Variants in TMEM200A observed in about 807,000 individuals in gnomAD.
TMEM200A encodes the protein transmembrane protein 200A, also known as two transmembrane C.
A neutral mutation model predicts 24.3 loss-of-function variants in TMEM200A; 12 were observed. The ratio of observed to expected loss-of-function variants is 0.49; its 90% CI spans 0.32 to 0.80. The LOEUF (loss-of-function observed/expected upper bound fraction) is 0.80. Ranked by LOEUF, TMEM200A falls within the 30% of genes least tolerant of loss-of-function variation. The pLI, the probability that TMEM200A is intolerant of heterozygous loss-of-function variation, is 0.04. For synonymous variants in TMEM200A, 224 were observed against 224.4 expected, an observed-to-expected ratio of 1.00 and a Z score of 0.02; for missense variants, 545 against 614.4, an observed-to-expected ratio of 0.89 and a Z score of 1.19.
intron 2 of TMEM200A, among the ~76,000 whole-genome samples, chr6:130,388,616 A>G (rs946373499): frequency 6.6e-6 from 1 of 152,226 alleles, no homozygotes; most frequent in African/African-American, 2.4e-5. Context: ...GCTGAGTGGC[A>G]TAAGTAGATA....
At chr6:130,377,103 CTT>C (rs1316871554) in intron 1 of TMEM200A, among the ~76,000 whole-genome samples, 2 of 152,136 alleles carry the variant, frequency 1.3e-5, no homozygotes, top group East Asian at 3.8e-4. Flanking sequence ...GCATAACAAG[CTT>C]TTCTCAAGAA....
chr6:130,436,439 G>A (rs1466073841), intron 2 of TMEM200A, among the ~76,000 whole-genome samples: 1 of 146,128 alleles, frequency 6.8e-6, no homozygotes, highest in Non-Finnish European at 1.5e-5. Context: ...AAAAAAAACA[G>A]TCATAAAAGT....
At chr6:130,389,760 G>C (rs1583185994) in intron 2 of TMEM200A, among the ~76,000 whole-genome samples, 1 of 152,156 alleles carries the variant, frequency 6.6e-6, no homozygotes, top group East Asian at 1.9e-4. Context: ...CAGAACTTCA[G>C]ATTTTCTCAG....
intron 2 of TMEM200A, among the ~76,000 whole-genome samples, chr6:130,390,567 A>G (rs1219328219): frequency 6.6e-6 from 1 of 152,202 alleles, no homozygotes; most frequent in Non-Finnish European, 1.5e-5. Context: ...TATTCTTTAT[A>G]CCCTTAAAGG....
At chr6:130,410,301 A>G (rs1265614617) in intron 2 of TMEM200A, among the ~76,000 whole-genome samples, 7 of 152,222 alleles carry the variant, frequency 4.6e-5, no homozygotes, top group Admixed American at 3.9e-4. Context: ...TCAGTAAGAG[A>G]CAACTAAAGG....
chr6:130,401,102 A>G (rs1004460851), intron 2 of TMEM200A, among the ~76,000 whole-genome samples: 2 of 151,858 alleles, frequency 1.3e-5, no homozygotes, highest in Admixed American at 1.3e-4. Context: ...CTATGCATTA[A>G]CCTTTTTTGT....
chr6:130,440,054 GAGA>G (rs112358654), intron 2 of TMEM200A, among the ~76,000 whole-genome samples: 6 of 136,876 alleles, frequency 4.4e-5, no homozygotes, highest in African/African-American at 1.5e-4. Context: ...GAGAGAGAGA[GAGA>G]AGAGAAAGAG....
chr6:130,425,383 T>C (rs1020126690), intron 2 of TMEM200A, among the ~76,000 whole-genome samples: 2 of 152,186 alleles, frequency 1.3e-5, no homozygotes, highest in Admixed American at 1.3e-4. Flanking sequence ...GAACCAATTA[T>C]CAACATCGTT....
At chr6:130,382,646 A>C (rs1368579805) in intron 1 of TMEM200A, among the ~76,000 whole-genome samples, 1 of 152,184 alleles carries the variant, frequency 6.6e-6, no homozygotes. Flanking sequence ...TCAGGACAAC[A>C]AAGAGAGTTG....
At chr6:130,399,545 TTATTA>T (rs774247805) in intron 2 of TMEM200A, among the ~76,000 whole-genome samples, 44 of 151,884 alleles carry the variant, frequency 2.9e-4, no homozygotes, top group Non-Finnish European at 5.3e-4. Context: ...TTTTAATTTA[TTATTA>T]TATTTTTATT....
intron 2 of TMEM200A, among the ~76,000 whole-genome samples, chr6:130,423,550 C>T (rs1583219640): frequency 6.8e-6 from 1 of 147,284 alleles, no homozygotes; most frequent in South Asian, 2.1e-4. Context: ...AATATACATA[C>T]AAATGTTGCT....
chr6:130,409,829 T>C (rs751280074), intron 2 of TMEM200A, among the ~76,000 whole-genome samples: 1 of 150,930 alleles, frequency 6.6e-6, no homozygotes, highest in Non-Finnish European at 1.5e-5. Context: ...GCACTTCCTT[T>C]CTGTCTCTCA....
chr6:130,440,566 T>C lies in TMEM200A; in HGVS notation c.144T>C (p.Val48=), dbSNP rs1159081487. 2 of 1,613,966 alleles carry C rather than the reference T, an allele frequency of 1.2e-6. No individual in the cohort carries two copies. The change falls in exon 3 of 3, where the codon GTT becomes GTC. Residue 48 remains valine (V), a synonymous_variant. Coordinates refer to ENST00000296978, the MANE Select transcript of TMEM200A (RefSeq NM_001258277.2). ...KPIRRRPRAD[V]VVVRGKIRLY... Reference sequence around the variant, plus strand: ...TCAGGCGCCGGCCCCGGGCAGATGTTGTGGTTGTTCGTGGCAAAATCCGGC... The same window carrying C: ...TCAGGCGCCGGCCCCGGGCAGATGTCGTGGTTGTTCGTGGCAAAATCCGGC...
chr6:130,427,160 C>G (rs754349340), intron 2 of TMEM200A, among the ~76,000 whole-genome samples: 3 of 152,124 alleles, frequency 2.0e-5, no homozygotes, highest in Non-Finnish European at 2.9e-5. Flanking sequence ...CTTCAACATC[C>G]TTTTTTGCTC....
chr6:130,423,927 C>T (rs1406091624), intron 2 of TMEM200A, among the ~76,000 whole-genome samples: 1 of 152,060 alleles, frequency 6.6e-6, no homozygotes, highest in Non-Finnish European at 1.5e-5. Flanking sequence ...AAGTGAGTTC[C>T]TATAAAGGTT....
At chr6:130,423,861 TTC>T (rs2115188206) in intron 2 of TMEM200A, among the ~76,000 whole-genome samples, 1 of 152,270 alleles carries the variant, frequency 6.6e-6, no homozygotes, top group African/African-American at 2.4e-5. Context: ...TTGTTTTCGC[TTC>T]TGTTTTGAGC....
intron 2 of TMEM200A, among the ~76,000 whole-genome samples, chr6:130,422,407 TA>T (rs1243230141): frequency 2.0e-5 from 3 of 152,144 alleles, no homozygotes; most frequent in Non-Finnish European, 2.9e-5. Flanking sequence ...CAGCTGGGAC[TA>T]AAAATGCATG....
intron 2 of TMEM200A, among the ~76,000 whole-genome samples, chr6:130,404,215 A>G (rs986838788): frequency 2.6e-5 from 4 of 152,178 alleles, no homozygotes; most frequent in African/African-American, 9.7e-5. Flanking sequence ...GCTGAGTCCA[A>G]TGGTATTTCT....
chr6:130,389,088 AG>A (rs1778776681), intron 2 of TMEM200A, among the ~76,000 whole-genome samples: 1 of 152,236 alleles, frequency 6.6e-6, no homozygotes, highest in Non-Finnish European at 1.5e-5. Flanking sequence ...TCAACAAAGT[AG>A]AACTGTAAAA....
Sources: gnomAD v4.1 joint callset for allele counts (sites outside exome capture counted in the v4.1 genomes callset) on GRCh38, gnomAD v4.1.1 for gene constraint, MANE v1.5 for transcripts, NCBI Gene and HGNC (gene_info 2026-07-23, HGNC 2026-07-21) for gene names.